ZAR1: variants seen among roughly 807,000 people sequenced by gnomAD.
ZAR1 encodes zygote arrest 1.
A neutral mutation model predicts 38.3 loss-of-function variants in ZAR1; 37 were observed. The observed-to-expected ratio is 0.97, with a 90% CI of 0.74 to 1.27. The LOEUF is 1.27. Among genes scored for constraint, ZAR1 ranks in the 50% most tolerant of loss-of-function variants. ZAR1 has a pLI of 0.00. For missense variants in ZAR1, 651 were observed against 632.4 expected (o/e 1.03, Z -0.32); for synonymous variants, 336 against 292.0 (o/e 1.15, Z -1.53).
Position 48,494,347 on chromosome 4 carries a change from G to A in ZAR1, c.*103G>A. ...TTCTCAAAATACTTCATGAAAGGCA[G>A]TGTATTCTGAAAAAGCCTTCAAATA... On this transcript the variant is annotated 3_prime_UTR_variant, in exon 4 of 4. Coordinates refer to ENST00000327939, the MANE Select transcript of ZAR1 (RefSeq NM_175619.3). 3 of 1,450,150 alleles carry A rather than the reference G, an allele frequency of 2.1e-6. No individual in the cohort carries two copies. Among genetic ancestry groups the A allele is most frequent in the South Asian group, 1.2e-5 (1 of 83,716 alleles). The allele number at this position is 1,450,150 out of a possible 1,614,324, so 89.8% of individuals were successfully genotyped here.
chr4:48,496,207 T>C (rs1453711961), downstream of ZAR1, among the ~76,000 whole-genome samples: 6 of 152,164 alleles, frequency 3.9e-5, no homozygotes, highest in African/African-American at 1.4e-4. Context: ...CACAGGGACC[T>C]GATAAAGTGG....
At chr4:48,491,392 G>A (rs1560482577) in intron 1 of ZAR1, 138 bp downstream of exon 1, 3 of 578,398 alleles carry the variant, frequency 5.2e-6, no homozygotes, top group Admixed American at 4.4e-5. Flanking sequence ...TTCCGAGACA[G>A]CCAATGACCG....
chr4:48,497,566 C>CA (rs992502893), downstream of ZAR1: 2 of 152,438 alleles, frequency 1.3e-5, no homozygotes, highest in Non-Finnish European at 2.9e-5. Context: ...CAACACAAAC[C>CA]AACAGCTACA....
chr4:48,494,678 A>C (rs1228757617), downstream of ZAR1, among the ~76,000 whole-genome samples: 1 of 138,804 alleles, frequency 7.2e-6, no homozygotes, highest in Non-Finnish European at 1.5e-5. Context: ...TGACAGAGTG[A>C]GACTCCATCT....
At chr4:48,496,742 G>C (rs964615764), downstream of ZAR1, among the ~76,000 whole-genome samples, 35 of 151,992 alleles carry the variant, frequency 2.3e-4, no homozygotes, top group African/African-American at 8.2e-4. Context: ...GATGTCTCTG[G>C]GTATCAAGAG....
downstream of ZAR1, among the ~76,000 whole-genome samples, chr4:48,495,334 TAAGTG>T (rs1170420928): frequency 6.6e-6 from 1 of 152,222 alleles, no homozygotes; most frequent in African/African-American, 2.4e-5. Flanking sequence ...ACATCCCACT[TAAGTG>T]AACCCCTTAC....
downstream of ZAR1, among the ~76,000 whole-genome samples, chr4:48,494,693 A>T (rs969216629): frequency 6.6e-6 from 1 of 152,176 alleles, no homozygotes; most frequent in Non-Finnish European, 1.5e-5. Flanking sequence ...CCATCTCAAA[A>T]AAAAAAAGCT....
rs1718386739 is a variant in ZAR1 at position 48,490,372 on chromosome 4, C to T, written c.81C>T (p.Pro27=). 10 of 1,505,024 alleles carry T rather than the reference C, an allele frequency of 6.6e-6. No homozygotes were observed. Among genetic ancestry groups the T allele is most frequent in the Middle Eastern group, 1.7e-4 (1 of 5,886 alleles). 93.2% of individuals were successfully genotyped at this position (1,505,024 alleles called of 1,614,324 possible). Residue 27 remains proline (P), a synonymous_variant, in exon 1 of 4, where the codon CCC becomes CCT. Coordinates refer to ENST00000327939, the MANE Select transcript of ZAR1 (RefSeq NM_175619.3). The stretch of plus-strand genomic sequence containing the variant: ...CCTGCTCGTACCGGTACCCATACCC[C>T]GCGGCCACCAAGGGCAAGGGCGCGG... ...CPPCSYRYPY[P]AATKGKGAAG...
downstream of ZAR1, chr4:48,494,484 T>C (rs1718532905): frequency 2.1e-6 from 1 of 485,486 alleles, no homozygotes. Flanking sequence ...CCTTTATGAA[T>C]GCTTGCTGAT....
At chr4:48,492,408 C>T (rs1448908513) in intron 1 of ZAR1, among the ~76,000 whole-genome samples, 1 of 152,126 alleles carries the variant, frequency 6.6e-6, no homozygotes, top group East Asian at 1.9e-4. Flanking sequence ...TCTTATTTTT[C>T]TTCAGCTTAA....
chr4:48,491,183 G>C lies in ZAR1; in HGVS notation c.892G>C (p.Glu298Gln). 2.4e-6 allele frequency: 3 copies of C among 1,235,000 alleles called. No individual in the cohort carries two copies. The highest frequency in any genetic ancestry group is 6.4e-5 in the East Asian group (2 of 31,460). The allele number at this position is 1,235,000 out of a possible 1,614,324, so 76.5% of individuals were successfully genotyped here. A position where few individuals can be genotyped will look rare whatever the true frequency, so the allele number is the denominator to read the frequency against. Residue 298 changes from glutamate (E) to glutamine (Q), a missense_variant, in exon 1 of 4, where the codon GAG becomes CAG. Physicochemically the swap from Glu to Gln is conservative, Grantham distance 29. Transcript: ENST00000327939. ...GGCCCGAGACGGCGGCGACGGACGGGAGGCGGCCGTCGCGGGAGAGGGGCC... is the reference window on the plus strand; with the variant it reads ...GGCCCGAGACGGCGGCGACGGACGGCAGGCGGCCGTCGCGGGAGAGGGGCC... Reference protein sequence around the residue: ...GRARDGGDGREAAVAGEGPSP... With the variant: ...GRARDGGDGRQAAVAGEGPSP...
chr4:48,492,162 T>C (rs550582012), intron 1 of ZAR1, among the ~76,000 whole-genome samples: 168 of 152,286 alleles, frequency 1.1e-3, no homozygotes, highest in Non-Finnish European at 1.9e-3. Context: ...GCAGACTGAA[T>C]TAAGTGCTCC....
chr4:48,497,109 C>T (rs188023931), downstream of ZAR1, among the ~76,000 whole-genome samples: 68 of 152,146 alleles, frequency 4.5e-4, no homozygotes, highest in Non-Finnish European at 8.7e-4. Flanking sequence ...AAGAAACTGC[C>T]GGATTGCTGC....
At chr4:48,493,086 C>A in intron 3 of ZAR1, 74 bp downstream of exon 3, 1 of 1,399,930 alleles carries the variant, frequency 7.1e-7, no homozygotes, top group South Asian at 1.2e-5. Context: ...GAGTATACTT[C>A]CAAAAAGAGG....
intron 1 of ZAR1, among the ~76,000 whole-genome samples, chr4:48,492,157 C>A (rs1718461314): frequency 6.6e-6 from 1 of 152,210 alleles, no homozygotes; most frequent in African/African-American, 2.4e-5. Flanking sequence ...GGTGAGCAGA[C>A]TGAATTAAGT....
rs1718421424 is a variant in ZAR1, at chr4:48,490,988, G to A, written c.697G>A (p.Ala233Thr). ...PEEGEVWTKK[A>T]PRRPQSDDDG... ...GGAGGGGGAGGTGTGGACGAAGAAG[G>A]CGCCCCGGCGGCCGCAGTCCGACGA... Residue 233 changes from alanine (A) to threonine (T), a missense_variant, in exon 1 of 4, where the codon GCG becomes ACG. Coordinates refer to ENST00000327939, the MANE Select transcript of ZAR1 (RefSeq NM_175619.3). The A allele has an allele frequency of 3.7e-6, 5 of 1,356,422 alleles. No individual in the cohort carries two copies. Among genetic ancestry groups the A allele is most frequent in the African/African-American group, 3.1e-5 (2 of 65,396 alleles). 84.0% of individuals were successfully genotyped at this position (1,356,422 alleles called of 1,614,324 possible).
downstream of ZAR1, among the ~76,000 whole-genome samples, chr4:48,495,184 C>T (rs1284842197): frequency 5.3e-5 from 8 of 152,120 alleles, no homozygotes; most frequent in Admixed American, 5.2e-4. Context: ...GGCCCCACTG[C>T]CAGAATGTTC....
chr4:48,491,345 G>A, intron 1 of ZAR1, 91 bp downstream of exon 1: 1 of 1,024,728 alleles, frequency 9.8e-7, no homozygotes, highest in Non-Finnish European at 1.3e-6. Context: ...GGCACTCGGA[G>A]GTGCGGCGCT....
chr4:48,491,336 G>C (rs1181724486), intron 1 of ZAR1, 82 bp downstream of exon 1: 2 of 1,083,346 alleles, frequency 1.8e-6, no homozygotes, highest in African/African-American at 1.6e-5. Context: ...ACTGCTTCGG[G>C]CACTCGGAGG....
Sources: gnomAD v4.1 joint callset for allele counts (sites outside exome capture counted in the v4.1 genomes callset) on GRCh38, gnomAD v4.1.1 for gene constraint, MANE v1.5 for transcripts, NCBI Gene and HGNC (gene_info 2026-07-23, HGNC 2026-07-21) for gene names.